Variants in EGR3 observed in about 807,000 individuals in gnomAD.
The protein encoded by EGR3 is early growth response protein 3.
A neutral mutation model predicts 22.4 loss-of-function variants in EGR3; 4 were observed. That is an observed-to-expected ratio of 0.18 (90% CI 0.09 to 0.41). The LOEUF (loss-of-function observed/expected upper bound fraction) is 0.41. EGR3 is among the 10% of genes least tolerant of loss of function. The pLI, the probability that EGR3 is intolerant of heterozygous loss-of-function variation, is 1.00. For synonymous variants in EGR3, 219 were observed against 226.8 expected, an observed-to-expected ratio of 0.97 and a Z score of 0.31; for missense variants, 315 against 541.3, an observed-to-expected ratio of 0.58 and a Z score of 4.15.
At chr8:22,691,885 T>G (rs1803977486) in intron 1 of EGR3, 5 of 985,180 alleles carry the variant, frequency 5.1e-6, no homozygotes, top group African/African-American at 1.7e-5. Flanking sequence ...CCTCTTCCCT[T>G]GGCCCTGTCC....
chr8:22,692,779 C>G lies in EGR3; in HGVS notation c.154+12G>C. On this transcript the variant is annotated intron_variant, in intron 1 of 1. Coordinates refer to ENST00000317216, the MANE Select transcript of EGR3 (RefSeq NM_004430.3). The surrounding 1 kb of genome is among the most constrained non-coding windows in gnomAD (Gnocchi z 6.2). ...CTTCCTCGCTGCCTCGCCGCCTCCC[C>G]GCCGCCCTTACCTGTAGCCATCTGA... 1 of 1,613,430 alleles carries G rather than the reference C, an allele frequency of 6.2e-7. No individual in the cohort carries two copies. The highest frequency in any genetic ancestry group is 1.6e-4 in the Middle Eastern group (1 of 6,062).
intron 1 of EGR3, chr8:22,691,700 C>T (rs1156731534): frequency 1.2e-5 from 12 of 984,530 alleles, no homozygotes; most frequent in Non-Finnish European, 1.3e-5. Context: ...TGTGGAGTGG[C>T]TGCTGCACAC....
chr8:22,690,806 G>A lies in EGR3; in HGVS notation c.831C>T (p.Cys277=). 6.2e-7 allele frequency: 1 copy of A among 1,612,712 alleles called. No individual in the cohort carries two copies. The highest frequency in any genetic ancestry group is 1.1e-5 in the South Asian group (1 of 90,990). ...AACGGCGGTCGCAGCCCTCGGCCGG[G>A]CACGCGTGGGGCCGTTCGTGGAGCG... ...KTPLHERPHA[C]PAEGCDRRFS... is the part of the protein sequence containing the mutation. Residue 277 remains cysteine (C), a synonymous_variant, in exon 2 of 2, where the codon TGC becomes TGT. Transcript: ENST00000317216.
In EGR3 at chr8:22,693,066, A is replaced by T; in HGVS notation, c.-122T>A. 10 of 234,492 alleles carry T rather than the reference A, an allele frequency of 4.3e-5. No individual in the cohort carries two copies. The highest frequency in any genetic ancestry group is 6.3e-5 in the Non-Finnish European group (10 of 159,062). 14.5% of individuals were successfully genotyped at this position (234,492 alleles called of 1,614,324 possible). A position where few individuals can be genotyped will look rare whatever the true frequency, so the allele number is the denominator to read the frequency against. ...GTGGTGCAGGGGAAAAGCATGCGAG[A>T]GGGAAAGTTCGGGGGGAGGGGGGAG... is the stretch of plus-strand genomic sequence containing the variant. On this transcript the variant is annotated 5_prime_UTR_variant, in exon 1 of 2. Coordinates refer to ENST00000317216, the MANE Select transcript of EGR3 (RefSeq NM_004430.3).
chr8:22,692,069 C>T lies in EGR3; in HGVS notation c.155-587G>A. ...CCCAGCCTCCTCGGGCATGAAGGAGCTTTAGGCTCTTGCTGGAGGGGAAAA... is the reference window on the plus strand; with the variant it reads ...CCCAGCCTCCTCGGGCATGAAGGAGTTTTAGGCTCTTGCTGGAGGGGAAAA... On this transcript the variant is annotated intron_variant, in intron 1 of 1. Coordinates refer to ENST00000317216, the MANE Select transcript of EGR3 (RefSeq NM_004430.3). The surrounding 1 kb of genome is among the most constrained non-coding windows in gnomAD (Gnocchi z 6.2). 3 of 1,346,188 alleles carry T rather than the reference C, an allele frequency of 2.2e-6. No homozygotes were observed. The highest frequency in any genetic ancestry group is 2.9e-6 in the Non-Finnish European group (3 of 1,052,394). 83.4% of individuals were successfully genotyped at this position (1,346,188 alleles called of 1,614,324 possible).
chr8:22,691,650 C>T, intron 1 of EGR3, 168 bp from the exon 2 acceptor site: 1 of 972,506 alleles, frequency 1.0e-6, no homozygotes, highest in Non-Finnish European at 1.2e-6. Flanking sequence ...GCCGCGCTCC[C>T]GGGCGCAACC....
In EGR3 at chr8:22,687,991, G is replaced by A. The variant is rs1487174629; in HGVS notation, c.*2482C>T. On this transcript the variant is annotated 3_prime_UTR_variant, in exon 2 of 2. Transcript: ENST00000317216. This position sits in a 1 kb window ranked among gnomAD's most constrained non-coding sequence, Gnocchi z 4.7. Reference sequence around the variant, plus strand: ...ACATCCACAAAATATATTACATCTGGTTTGTCTTTTTTCTAAGTACTCAAC... The same window carrying A: ...ACATCCACAAAATATATTACATCTGATTTGTCTTTTTTCTAAGTACTCAAC... 1 of 152,430 alleles carries A rather than the reference G, an allele frequency of 6.6e-6. No individual in the cohort carries two copies. Among genetic ancestry groups the A allele is most frequent in the East Asian group, 1.9e-4 (1 of 5,202 alleles). 9.4% of individuals were successfully genotyped at this position (152,430 alleles called of 1,614,324 possible).
At position 22,690,416 on chromosome 8, in the gene EGR3, CAGGCTAGCAGCCGGG is replaced by C; in HGVS notation, c.*42_*56del. ...CCGTGGCTGGCTTTCCCGCTGCTTT[CAGGCTAGCAGCCGGG>C]AGGCACTGGAGGGGAAAAGTGGGGA... On this transcript the variant is annotated 3_prime_UTR_variant, in exon 2 of 2. Coordinates refer to ENST00000317216, the MANE Select transcript of EGR3 (RefSeq NM_004430.3). 1 of 1,441,154 alleles carries C rather than the reference CAGGCTAGCAGCCGGG, an allele frequency of 6.9e-7. No individual in the cohort carries two copies. Among genetic ancestry groups the C allele is most frequent in the South Asian group, 1.3e-5 (1 of 78,348 alleles). 89.3% of individuals were successfully genotyped at this position (1,441,154 alleles called of 1,614,324 possible). A position where few individuals can be genotyped will look rare whatever the true frequency, so the allele number is the denominator to read the frequency against.
chr8:22,692,869 G>A lies in EGR3; in HGVS notation c.76C>T (p.Pro26Ser). 1 of 1,613,316 alleles carries A rather than the reference G, an allele frequency of 6.2e-7. No homozygotes were observed. Reference sequence around the variant, plus strand: ...TTGAGCGCGCTGGGGATCTCCTCGGGGTACAGATTGTCAGGCAGTTGGTTT... The same window carrying A: ...TTGAGCGCGCTGGGGATCTCCTCGGAGTACAGATTGTCAGGCAGTTGGTTT... Reference protein sequence around the residue: ...LLNQLPDNLYPEEIPSALNLF... With the variant: ...LLNQLPDNLYSEEIPSALNLF... Residue 26 changes from proline (P) to serine (S), a missense_variant, in exon 1 of 2, where the codon CCC becomes TCC. Physicochemically the swap from Pro to Ser is moderately conservative, Grantham distance 74. Transcript: ENST00000317216. This position sits in a 1 kb window ranked among gnomAD's most constrained non-coding sequence, Gnocchi z 6.2.
In EGR3 at chr8:22,688,165, A is replaced by G. The variant is rs1803827307; in HGVS notation, c.*2308T>C. On this transcript the variant is annotated 3_prime_UTR_variant, in exon 2 of 2. Coordinates refer to ENST00000317216, the MANE Select transcript of EGR3 (RefSeq NM_004430.3). The stretch of plus-strand genomic sequence containing the variant: ...ATGCAGACATATAAAAAATCTGGAT[A>G]GCACAACCTTTTGGCAACAAAGTTA... 1 of 152,488 alleles carries G rather than the reference A, an allele frequency of 6.6e-6. No homozygotes were observed. Among genetic ancestry groups the G allele is most frequent in the African/African-American group, 2.4e-5 (1 of 41,416 alleles). 9.4% of individuals were successfully genotyped at this position (152,488 alleles called of 1,614,324 possible). A position where few individuals can be genotyped will look rare whatever the true frequency, so the allele number is the denominator to read the frequency against.
Position 22,688,368 on chromosome 8 carries a change from C to T in EGR3, c.*2105G>A, listed in dbSNP as rs560708910. 3.1e-4 allele frequency: 48 copies of T among 152,634 alleles called. No homozygotes were observed. The highest frequency in any genetic ancestry group is 1.1e-3 in the African/African-American group (46 of 41,520). The allele number at this position is 152,634 out of a possible 1,614,324, so 9.5% of individuals were successfully genotyped here. A position where few individuals can be genotyped will look rare whatever the true frequency, so the allele number is the denominator to read the frequency against. ...ATTTTTGCTTTTTTAATAATCATCA[C>T]ATTATAAAAAGTATTCAGCAAAATA... On this transcript the variant is annotated 3_prime_UTR_variant, in exon 2 of 2. Coordinates refer to ENST00000317216, the MANE Select transcript of EGR3 (RefSeq NM_004430.3).
In EGR3 at chr8:22,692,707, A is replaced by G. The variant is rs979436692; in HGVS notation, c.154+84T>C. On this transcript the variant is annotated intron_variant, in intron 1 of 1. Coordinates refer to ENST00000317216, the MANE Select transcript of EGR3 (RefSeq NM_004430.3). The surrounding 1 kb of genome is among the most constrained non-coding windows in gnomAD (Gnocchi z 6.2). ...CATCCATCCATCCATCCATCCATCCATCCATCCATCACCAGGTCGTCCCCT... is the reference window on the plus strand; with the variant it reads ...CATCCATCCATCCATCCATCCATCCGTCCATCCATCACCAGGTCGTCCCCT... The G allele has an allele frequency of 6.5e-7, 1 of 1,540,146 alleles. No homozygotes were observed. Among genetic ancestry groups the G allele is most frequent in the Admixed American group, 1.8e-5 (1 of 56,196 alleles).
rs930441810 is a variant in EGR3, at chr8:22,690,361, T to C, written c.*112A>G. ...GGGGAAGCAAGGGGCCGCACGTCCA[T>C]GGAGAGGCCAGGGCGCGGCCCCTAC... On this transcript the variant is annotated 3_prime_UTR_variant, in exon 2 of 2. Transcript: ENST00000317216. 7 of 868,608 alleles carry C rather than the reference T, an allele frequency of 8.1e-6. No homozygotes were observed. The highest frequency in any genetic ancestry group is 3.5e-4 in the Middle Eastern group (1 of 2,832). 53.8% of individuals were successfully genotyped at this position (868,608 alleles called of 1,614,324 possible). A position where few individuals can be genotyped will look rare whatever the true frequency, so the allele number is the denominator to read the frequency against.
Position 22,690,445 on chromosome 8 carries a change from G to T in EGR3, c.*28C>A. On this transcript the variant is annotated 3_prime_UTR_variant, in exon 2 of 2. Coordinates refer to ENST00000317216, the MANE Select transcript of EGR3 (RefSeq NM_004430.3). The stretch of plus-strand genomic sequence containing the variant: ...CTAGCAGCCGGGAGGCACTGGAGGG[G>T]AAAAGTGGGGATCTGGGGGCCCGAT... 6.4e-7 allele frequency: 1 copy of T among 1,570,106 alleles called. No homozygotes were observed.
Position 22,690,373 on chromosome 8 carries a change from G to C in EGR3, c.*100C>G. The C allele has an allele frequency of 1.0e-6, 1 of 995,024 alleles. No individual in the cohort carries two copies. Among genetic ancestry groups the C allele is most frequent in the Admixed American group, 2.7e-5 (1 of 36,748 alleles). The allele number at this position is 995,024 out of a possible 1,614,324, so 61.6% of individuals were successfully genotyped here. On this transcript the variant is annotated 3_prime_UTR_variant, in exon 2 of 2. Transcript: ENST00000317216. ...GGCCGCACGTCCATGGAGAGGCCAG[G>C]GCGCGGCCCCTACGCCTCCGTGGCT...
Position 22,690,354 on chromosome 8 carries a change from A to C in EGR3, c.*119T>G. 1 of 799,494 alleles carries C rather than the reference A, an allele frequency of 1.3e-6. No individual in the cohort carries two copies. Among genetic ancestry groups the C allele is most frequent in the Non-Finnish European group, 1.9e-6 (1 of 518,974 alleles). The allele number at this position is 799,494 out of a possible 1,614,324, so 49.5% of individuals were successfully genotyped here. A position where few individuals can be genotyped will look rare whatever the true frequency, so the allele number is the denominator to read the frequency against. On this transcript the variant is annotated 3_prime_UTR_variant, in exon 2 of 2. Transcript: ENST00000317216. ...CATCGAAGGGGAAGCAAGGGGCCGCACGTCCATGGAGAGGCCAGGGCGCGG... is the reference window on the plus strand; with the variant it reads ...CATCGAAGGGGAAGCAAGGGGCCGCCCGTCCATGGAGAGGCCAGGGCGCGG...
rs1451732054 is a variant in EGR3, at chr8:22,692,805, T to C, written c.140A>G (p.Asn47Ser). 1 of 1,612,756 alleles carries C rather than the reference T, an allele frequency of 6.2e-7. No homozygotes were observed. Among genetic ancestry groups the C allele is most frequent in the Non-Finnish European group, 8.5e-7 (1 of 1,179,476 alleles). The change falls in exon 1 of 2, where the codon AAT (asparagine) becomes AGT (serine). Residue 47 changes from asparagine to serine, a missense_variant. By Grantham distance (46) the Asn-to-Ser change is conservative. This residue lies in a region of EGR3 where 227 missense variants were observed against 303.6 expected (regional missense o/e 0.75). Coordinates refer to ENST00000317216, the MANE Select transcript of EGR3 (RefSeq NM_004430.3). This position sits in a 1 kb window ranked among gnomAD's most constrained non-coding sequence, Gnocchi z 6.2. Reference protein sequence around the residue: ...SGSSDSVVHYNQMATENVMDI... With the variant: ...SGSSDSVVHYSQMATENVMDI... ...GCCGCCCTTACCTGTAGCCATCTGA[T>C]TGTAATGGACTACCGAGTCGCTGCT...
At position 22,693,017 on chromosome 8, in the gene EGR3, C is replaced by T; in HGVS notation, c.-73G>A. 2.7e-6 allele frequency: 4 copies of T among 1,485,570 alleles called. No homozygotes were observed. The highest frequency in any genetic ancestry group is 3.6e-6 in the Non-Finnish European group (4 of 1,114,578). 92.0% of individuals were successfully genotyped at this position (1,485,570 alleles called of 1,614,324 possible). Reference sequence around the variant, plus strand: ...GCTCGCTCCTAACGCAGCTTCCAGGCAAGCGGCATCCGAGAGGCGATCCGT... The same window carrying T: ...GCTCGCTCCTAACGCAGCTTCCAGGTAAGCGGCATCCGAGAGGCGATCCGT... On this transcript the variant is annotated 5_prime_UTR_variant, in exon 1 of 2. Coordinates refer to ENST00000317216, the MANE Select transcript of EGR3 (RefSeq NM_004430.3).
chr8:22,691,194 G>A lies in EGR3; in HGVS notation c.443C>T (p.Ser148Phe). The A allele has an allele frequency of 6.2e-7, 1 of 1,614,040 alleles. No homozygotes were observed. The highest frequency in any genetic ancestry group is 8.5e-7 in the Non-Finnish European group (1 of 1,179,992). Reference protein sequence around the residue: ...EAMYPALPPYSNCGDLYSEPV... With the variant: ...EAMYPALPPYFNCGDLYSEPV... ...CTCTGAGTAGAGGTCGCCGCAGTTG[G>A]AGTAGGGGGGTAGCGCGGGATACAT... Residue 148 changes from serine (S) to phenylalanine (F), a missense_variant, in exon 2 of 2, where the codon TCC (serine) becomes TTC (phenylalanine). This residue lies in a region of EGR3 where 227 missense variants were observed against 303.6 expected (regional missense o/e 0.75). Coordinates refer to ENST00000317216, the MANE Select transcript of EGR3 (RefSeq NM_004430.3).
Sources: allele counts gnomAD v4.1 joint callset, GRCh38; gene constraint gnomAD v4.1.1; regional missense constraint gnomAD v4.1.1; non-coding constraint Gnocchi (gnomAD v3.1); transcripts MANE v1.5; gene names NCBI Gene and HGNC (gene_info 2026-07-23, HGNC 2026-07-21).